Variants in UPRT observed in about 807,000 individuals in gnomAD.
The protein encoded by UPRT is uracil phosphoribosyltransferase homolog.
A neutral mutation model predicts 22.6 loss-of-function variants in UPRT; 5 were observed. The observed-to-expected ratio is 0.22, with a 90% CI of 0.12 to 0.47. The LOEUF (loss-of-function observed/expected upper bound fraction) is 0.47, where lower values mean the gene tolerates loss of function less well. Among genes scored for constraint, UPRT ranks in the 20% least tolerant of loss-of-function variants. The probability of loss-of-function intolerance (pLI) is 0.99; values close to 1 mark genes in which losing one functional copy is unlikely to be tolerated. For synonymous variants in UPRT, 77 were observed against 87.7 expected (o/e 0.88, Z 0.68); for missense variants, 181 against 239.9 (o/e 0.75, Z 1.62).
At chrX:75,193,430 C>T (rs773814738) in intron 4 of UPRT, among the ~76,000 whole-genome samples, 6 of 111,292 alleles carry the variant, frequency 5.4e-5, no homozygotes, top group African/African-American at 9.8e-5. Flanking sequence ...GAGAATCTGA[C>T]GACTATGTGT....
intron 4 of UPRT, among the ~76,000 whole-genome samples, chrX:75,266,752 AC>A (rs1338952806): frequency 9.0e-6 from 1 of 111,617 alleles, no homozygotes; most frequent in Non-Finnish European, 1.9e-5. Flanking sequence ...AATTAAAAAA[AC>A]AACCCCATCA....
chrX:75,162,367 G>T (rs747923999), intron 2 of UPRT, among the ~76,000 whole-genome samples: 25 of 111,420 alleles, frequency 2.2e-4, no homozygotes, highest in Non-Finnish European at 4.5e-4. Flanking sequence ...CTTTTTATCT[G>T]TGTGGCATGT....
rs993616935 is a variant in UPRT at position 75,254,908 on chromosome X, T to C, written c.-446-36116T>C. Among the ~76,000 whole-genome samples, 7 of 109,664 alleles carry C rather than the reference T, an allele frequency of 6.4e-5. No homozygotes were observed. The South Asian group carries it at 1.6e-3, about 25-fold the overall frequency. ...CTCCTGCCTCAGCCTCCCGAGTAGC[T>C]GGGACTACAGGCGCCCGCCACCGCA... On this transcript the variant is annotated intron_variant, in intron 4 of 13. Coordinates refer to the UPRT transcript ENST00000652605.
At chrX:75,247,940 G>C (rs1428022563) in intron 4 of UPRT, among the ~76,000 whole-genome samples, 1 of 112,038 alleles carries the variant, frequency 8.9e-6, no homozygotes, top group African/African-American at 3.3e-5. Flanking sequence ...TGCAGCCATT[G>C]TTGCTGATGC....
intron 4 of UPRT, among the ~76,000 whole-genome samples, chrX:75,253,721 G>A (rs2082539840): frequency 8.9e-6 from 1 of 111,985 alleles, no homozygotes; most frequent in African/African-American, 3.2e-5. Flanking sequence ...TGCAGGACCT[G>A]AGAGACAATG....
chrX:75,242,479 T>A (rs1370002288), intron 4 of UPRT, among the ~76,000 whole-genome samples: 3 of 110,783 alleles, frequency 2.7e-5, no homozygotes, highest in African/African-American at 9.8e-5. Context: ...AGTACAAACA[T>A]AAAGTGTGAT....
intron 4 of UPRT, among the ~76,000 whole-genome samples, chrX:75,180,913 ATCT>A (rs2082268472): frequency 9.1e-6 from 1 of 109,665 alleles, no homozygotes; most frequent in Non-Finnish European, 1.9e-5. Flanking sequence ...TGCCTTTGAC[ATCT>A]TCATCATGAA....
intron 2 of UPRT, chrX:75,294,460 G>A: frequency 3.3e-6 from 2 of 598,463 alleles, no homozygotes; most frequent in Non-Finnish European, 4.3e-6. Context: ...TTTAGTTTGG[G>A]AAAGAAAGGA....
intron 4 of UPRT, among the ~76,000 whole-genome samples, chrX:75,204,910 A>C (rs1262878330): frequency 9.0e-6 from 1 of 110,874 alleles, no homozygotes; most frequent in Non-Finnish European, 1.9e-5. Context: ...GGGGACTTAG[A>C]GTATCCCACG....
intron 1 of UPRT, among the ~76,000 whole-genome samples, chrX:75,280,449 A>G (rs776071956): frequency 1.2e-4 from 13 of 112,287 alleles, no homozygotes; most frequent in East Asian, 5.6e-4. Context: ...ATTTTTGTAT[A>G]AGGTGAGAGA....
intron 4 of UPRT, among the ~76,000 whole-genome samples, chrX:75,243,681 G>A (rs2082495239): frequency 9.0e-6 from 1 of 111,491 alleles, no homozygotes; most frequent in Non-Finnish European, 1.9e-5. Context: ...TTCTATGAAA[G>A]TGAAAACACA....
chrX:75,168,484 T>G (rs1042855269), intron 4 of UPRT, among the ~76,000 whole-genome samples: 5 of 111,423 alleles, frequency 4.5e-5, no homozygotes, highest in African/African-American at 1.6e-4. Flanking sequence ...TTCCGTAGGT[T>G]TTGGGGGAAC....
At chrX:75,283,388 G>A (rs1017045317) in intron 1 of UPRT, among the ~76,000 whole-genome samples, 1 of 110,873 alleles carries the variant, frequency 9.0e-6, no homozygotes, top group Non-Finnish European at 1.9e-5. Context: ...TGTTATATAG[G>A]TCCTGCATGA....
chrX:75,274,424 A>T lies in UPRT; in HGVS notation c.170A>T (p.His57Leu). Residue 57 changes from histidine to leucine, a missense_variant, in exon 1 of 7, where the codon CAT becomes CTT. This residue lies in a region of UPRT where 111 missense variants were observed against 102.8 expected (regional missense o/e 1.08). Coordinates refer to ENST00000373383, the MANE Select transcript of UPRT (RefSeq NM_145052.4). Reference sequence around the variant, plus strand: ...GTGATTCTCCTCACGGGGTACGCCCATTCTAGCCTGCCGGCCGAGCTGGAC... The same window carrying T: ...GTGATTCTCCTCACGGGGTACGCCCTTTCTAGCCTGCCGGCCGAGCTGGAC... ...AKVILLTGYA[H>L]SSLPAELDSG... The T allele has an allele frequency of 2.5e-6, 3 of 1,211,407 alleles. No homozygotes were observed. Among genetic ancestry groups the T allele is most frequent in the Non-Finnish European group, 3.4e-6 (3 of 895,385 alleles).
At chrX:75,185,749 G>A (rs1045351510) in intron 4 of UPRT, among the ~76,000 whole-genome samples, 1 of 111,803 alleles carries the variant, frequency 8.9e-6, no homozygotes, top group Non-Finnish European at 1.9e-5. Context: ...TTTAGTCTTG[G>A]GAGGGTGTAT....
At chrX:75,239,062 C>G (rs953760608) in intron 4 of UPRT, among the ~76,000 whole-genome samples, 20 of 110,440 alleles carry the variant, frequency 1.8e-4, no homozygotes, top group African/African-American at 5.9e-4. Flanking sequence ...ACTAGAGAAA[C>G]AAGAACAAAT....
chrX:75,197,116 T>C (rs1251194441), intron 4 of UPRT, among the ~76,000 whole-genome samples: 1 of 111,214 alleles, frequency 9.0e-6, no homozygotes, highest in Non-Finnish European at 1.9e-5. Flanking sequence ...GGAAATTGTC[T>C]GAAATATTGG....
At chrX:75,170,763 T>C (rs976893627) in intron 4 of UPRT, among the ~76,000 whole-genome samples, 3 of 111,529 alleles carry the variant, frequency 2.7e-5, no homozygotes, top group Non-Finnish European at 5.6e-5. Context: ...TTTCTTGTAG[T>C]GCTGGCTTGG....
chrX:75,264,324 G>T (rs1027610709), intron 4 of UPRT, among the ~76,000 whole-genome samples: 1 of 111,578 alleles, frequency 9.0e-6, no homozygotes, highest in African/African-American at 3.3e-5. Context: ...ACAGTGGAGT[G>T]TTAAAGTCTC....
Sources: allele counts gnomAD v4.1 joint callset (sites outside exome capture counted in the v4.1 genomes callset), GRCh38; gene constraint gnomAD v4.1.1; regional missense constraint gnomAD v4.1.1; transcripts MANE v1.5; gene names NCBI Gene and HGNC (gene_info 2026-07-23, HGNC 2026-07-21).